Variants in TTLL4 observed in about 807,000 individuals in gnomAD.
TTLL4 encodes tubulin tyrosine ligase like 4.
In TTLL4, 85 loss-of-function variants were observed where a neutral mutation model predicts 122.7. The ratio of observed to expected loss-of-function variants is 0.69; its 90% confidence interval spans 0.58 to 0.83. The LOEUF (loss-of-function observed/expected upper bound fraction) is 0.83, where lower values mean the gene tolerates loss of function less well. TTLL4 is among the 40% of genes least tolerant of loss of function. The pLI is 0.00. For synonymous variants in TTLL4, 553 were observed against 563.0 expected, an observed-to-expected ratio of 0.98 and a Z score of 0.25; for missense variants, 1,363 against 1,488.6, an observed-to-expected ratio of 0.92 and a Z score of 1.39.
At chr2:218,731,939 C>T (rs1942392288) in intron 2 of TTLL4, among the ~76,000 whole-genome samples, 1 of 152,202 alleles carries the variant, frequency 6.6e-6, no homozygotes, top group South Asian at 2.1e-4. Context: ...ACCCTGTTTG[C>T]CCCTTAAGCC....
At position 218,747,025 on chromosome 2, in the gene TTLL4, T is replaced by C; in HGVS notation, c.1997T>C (p.Phe666Ser). The C allele has an allele frequency of 6.2e-7, 1 of 1,614,190 alleles. No homozygotes were observed. The highest frequency in any genetic ancestry group is 8.5e-7 in the Non-Finnish European group (1 of 1,180,016). Reference sequence around the variant, plus strand: ...TAGCTAAACCATTTCCCAGGCTCATTCCAGATTGGGAGGAAGGACCGGCTA... The same window carrying C: ...TAGCTAAACCATTTCCCAGGCTCATCCCAGATTGGGAGGAAGGACCGGCTA... ...HQKLNHFPGS[F>S]QIGRKDRLWR... Residue 666 changes from phenylalanine to serine, a missense_variant, in exon 9 of 20, where the codon TTC becomes TCC. Around this residue, in one of 3 missense-constraint regions of TTLL4, gnomAD observed 7 missense variants for 24.5 expected, o/e 0.29. Transcript: ENST00000392102. The surrounding 1 kb of genome is among the most constrained non-coding windows in gnomAD (Gnocchi z 4.7).
rs1943116116 is a variant in TTLL4 at position 218,754,691 on chromosome 2, T to C, written c.*302T>C. On this transcript the variant is annotated 3_prime_UTR_variant, in exon 20 of 20. Coordinates refer to ENST00000392102, the MANE Select transcript of TTLL4 (RefSeq NM_014640.5). Reference sequence around the variant, plus strand: ...ATAAAGCAGGTTTTGGTTTCTACCTTAAGTGAGCCATGTGTGGTTTGTCTG... The same window carrying C: ...ATAAAGCAGGTTTTGGTTTCTACCTCAAGTGAGCCATGTGTGGTTTGTCTG... 1 of 428,686 alleles carries C rather than the reference T, an allele frequency of 2.3e-6. No homozygotes were observed. Among genetic ancestry groups the C allele is most frequent in the Admixed American group, 3.9e-5 (1 of 25,894 alleles). 26.6% of individuals were successfully genotyped at this position (428,686 alleles called of 1,614,324 possible).
At chr2:218,727,766 A>G (rs1278162961) in intron 2 of TTLL4, among the ~76,000 whole-genome samples, 1 of 151,990 alleles carries the variant, frequency 6.6e-6, no homozygotes, top group Non-Finnish European at 1.5e-5. Context: ...AAACAAAAAA[A>G]CCCTGCTATT....
In TTLL4 at chr2:218,747,875, T is replaced by A; in HGVS notation, c.2378+150T>A. Reference sequence around the variant, plus strand: ...GGAAATATGGAGGCTCTCTACTTCGTTAAATCTGGGGAGGGTCTTCCTGCA... The same window carrying A: ...GGAAATATGGAGGCTCTCTACTTCGATAAATCTGGGGAGGGTCTTCCTGCA... On this transcript the variant is annotated intron_variant, in intron 11 of 19. Coordinates refer to ENST00000392102, the MANE Select transcript of TTLL4 (RefSeq NM_014640.5). The surrounding 1 kb of genome is among the most constrained non-coding windows in gnomAD (Gnocchi z 4.7). 7.9e-7 allele frequency: 1 copy of A among 1,264,852 alleles called. No individual in the cohort carries two copies. The allele number at this position is 1,264,852 out of a possible 1,614,324, so 78.4% of individuals were successfully genotyped here.
chr2:218,717,796 T>G (rs181746747), intron 1 of TTLL4, among the ~76,000 whole-genome samples: 1 of 151,774 alleles, frequency 6.6e-6, no homozygotes, highest in East Asian at 1.9e-4. Flanking sequence ...CAGTTCTATC[T>G]TCTTCTTTTT....
downstream of TTLL4, among the ~76,000 whole-genome samples, chr2:218,756,293 G>A (rs1320527513): frequency 6.6e-6 from 1 of 152,072 alleles, no homozygotes; most frequent in Admixed American, 6.6e-5. Context: ...TATTTCCATT[G>A]CCCTAACTGG....
chr2:218,718,890 C>T (rs1244130881), intron 1 of TTLL4, among the ~76,000 whole-genome samples: 1 of 152,148 alleles, frequency 6.6e-6, no homozygotes, highest in Admixed American at 6.6e-5. Flanking sequence ...AGGCTGCTTA[C>T]CTTAACAGTC....
chr2:218,728,505 G>A (rs369636610), intron 2 of TTLL4, among the ~76,000 whole-genome samples: 1 of 152,212 alleles, frequency 6.6e-6, no homozygotes, highest in African/African-American at 2.4e-5. Context: ...AAGTGGTAAT[G>A]CCCGCTTGCC....
chr2:218,732,294 A>G (rs1942402943), intron 2 of TTLL4, among the ~76,000 whole-genome samples: 1 of 152,184 alleles, frequency 6.6e-6, no homozygotes, highest in African/African-American at 2.4e-5. Context: ...ATAGCCTTCT[A>G]CATATGTAAA....
At chr2:218,746,517 T>TGCAG (rs1942847710) in intron 8 of TTLL4, 1 of 471,060 alleles carries the variant, frequency 2.1e-6, no homozygotes, top group Non-Finnish European at 3.8e-6. Context: ...TCTGAAATCC[T>TGCAG]GCAGTTGCAG....
In TTLL4 at chr2:218,712,873, T is replaced by C. The variant is rs564786801; in HGVS notation, c.-178+1836T>C. Among the ~76,000 whole-genome samples, 28 of 152,304 alleles carry C rather than the reference T, an allele frequency of 1.8e-4. 2 individuals carry two copies. In the South Asian group the frequency reaches 5.8e-3, roughly 32 times the overall value. On this transcript the variant is annotated intron_variant, in intron 1 of 19. Transcript: ENST00000392102. ...GAACACCTCCTTTAGTGATTTAAGT[T>C]ACCTCCCAACCCAGAAGGCTTGCCA...
rs201011157 is a variant in TTLL4 at position 218,748,927 on chromosome 2, A to G, written c.2593A>G (p.Ile865Val). ...GATAAAGGATGTTGTTGTCAAAACT[A>G]TCATCTCGTGAGTCACATTGCCAAC... ...EKIKDVVVKT[I>V]ISSEPYVTSL... The change falls in exon 13 of 20, where the codon ATC becomes GTC. Residue 865 changes from isoleucine to valine, a missense_variant. Physicochemically the swap from Ile to Val is conservative, Grantham distance 29 (BLOSUM62 3). Coordinates refer to ENST00000392102, the MANE Select transcript of TTLL4 (RefSeq NM_014640.5). The G allele has an allele frequency of 1.1e-4, 172 of 1,614,134 alleles. No individual in the cohort carries two copies. The highest frequency in any genetic ancestry group is 1.0e-4 in the Non-Finnish European group (121 of 1,180,012).
At position 218,738,118 on chromosome 2, in the gene TTLL4, C is replaced by G. The variant is rs1337263050; in HGVS notation, c.442C>G (p.Leu148Val). 1.9e-6 allele frequency: 3 copies of G among 1,613,954 alleles called. No individual in the cohort carries two copies. The highest frequency in any genetic ancestry group is 2.5e-6 in the Non-Finnish European group (3 of 1,180,016). The change falls in exon 3 of 20, where the codon CTC (leucine) becomes GTC (valine). Residue 148 changes from leucine (L) to valine (V), a missense_variant. This residue lies in a region of TTLL4 where 760 missense variants were observed against 808.4 expected (regional missense o/e 0.94). Coordinates refer to ENST00000392102, the MANE Select transcript of TTLL4 (RefSeq NM_014640.5). ...CCCGTCAGAAAAAAGCCCTTTTTCT[C>G]TCCCTCAAAAGAGCCTCCCTGTCAG... ...SSPSEKSPFS[L>V]PQKSLPVSLT...
At position 218,747,031 on chromosome 2, in the gene TTLL4, T is replaced by C. The variant is rs1372917562; in HGVS notation, c.2003T>C (p.Ile668Thr). The C allele has an allele frequency of 6.2e-7, 1 of 1,614,074 alleles. No individual in the cohort carries two copies. Among genetic ancestry groups the C allele is most frequent in the Non-Finnish European group, 8.5e-7 (1 of 1,180,024 alleles). Residue 668 changes from isoleucine to threonine, a missense_variant, in exon 9 of 20, where the codon ATT becomes ACT. Physicochemically the swap from Ile to Thr is moderately conservative, Grantham distance 89. Around this residue, in one of 3 missense-constraint regions of TTLL4, gnomAD observed 7 missense variants for 24.5 expected, o/e 0.29. Coordinates refer to ENST00000392102, the MANE Select transcript of TTLL4 (RefSeq NM_014640.5). The surrounding 1 kb of genome is among the most constrained non-coding windows in gnomAD (Gnocchi z 4.7). ...AACCATTTCCCAGGCTCATTCCAGA[T>C]TGGGAGGAAGGACCGGCTATGGCGG... The part of the protein sequence containing the change: ...KLNHFPGSFQ[I>T]GRKDRLWRNL...
At chr2:218,724,908 ATTT>A (rs1432619904) in intron 1 of TTLL4, among the ~76,000 whole-genome samples, 1 of 151,646 alleles carries the variant, frequency 6.6e-6, no homozygotes, top group Non-Finnish European at 1.5e-5. Flanking sequence ...TTCGTATTTT[ATTT>A]TTTATTGAGA....
At chr2:218,739,424 C>T (rs1313856696) in intron 3 of TTLL4, among the ~76,000 whole-genome samples, 1 of 152,108 alleles carries the variant, frequency 6.6e-6, no homozygotes, top group Non-Finnish European at 1.5e-5. Context: ...TTTCTTGTTA[C>T]GATGGTAGAG....
intron 4 of TTLL4, 91 bp from the exon 5 acceptor site, chr2:218,740,430 C>T (rs932494148): frequency 2.6e-5 from 36 of 1,393,958 alleles, no homozygotes; most frequent in Non-Finnish European, 3.5e-5. Context: ...AAGGGTTGAG[C>T]CCAGGATATT....
At chr2:218,748,596 A>G in intron 12 of TTLL4, 1 of 437,004 alleles carries the variant, frequency 2.3e-6, no homozygotes, top group Non-Finnish European at 4.1e-6. Context: ...CGGAGGTTGC[A>G]GTGAGCTGAG....
At position 218,754,540 on chromosome 2, in the gene TTLL4, G is replaced by T. The variant is rs1355355426; in HGVS notation, c.*151G>T. The T allele has an allele frequency of 2.0e-6, 2 of 1,023,744 alleles. No homozygotes were observed. The highest frequency in any genetic ancestry group is 2.8e-6 in the Non-Finnish European group (2 of 716,970). The allele number at this position is 1,023,744 out of a possible 1,614,324, so 63.4% of individuals were successfully genotyped here. ...TGAAGTGGTTGCATTATAGAGATGG[G>T]TATTTGTAGGGCCGGAGGGATGGTA... On this transcript the variant is annotated 3_prime_UTR_variant, in exon 20 of 20. Transcript: ENST00000392102.
Sources: gnomAD v4.1 joint callset for allele counts (sites outside exome capture counted in the v4.1 genomes callset) on GRCh38, gnomAD v4.1.1 for gene constraint, gnomAD v4.1.1 regional missense constraint, Gnocchi (gnomAD v3.1) non-coding constraint, MANE v1.5 for transcripts, NCBI Gene and HGNC (gene_info 2026-07-23, HGNC 2026-07-21) for gene names.